CEP350: variants seen among roughly 807,000 people sequenced by gnomAD.
The protein encoded by CEP350 is centrosomal protein 350.
CEP350 carries 126 observed loss-of-function variants against 331.8 expected under a neutral mutation model. The observed-to-expected ratio is 0.38, with a 90% CI of 0.33 to 0.44. The LOEUF (loss-of-function observed/expected upper bound fraction) is 0.44. Among genes scored for constraint, CEP350 ranks in the 20% least tolerant of loss-of-function variants. The probability of loss-of-function intolerance (pLI) is 1.00; values close to 1 mark genes in which losing one functional copy is unlikely to be tolerated. For missense variants in CEP350, 3,406 were observed against 3,634.6 expected (o/e 0.94, Z 1.62); for synonymous variants, 1,200 against 1,259.5 (o/e 0.95, Z 1.00).
chr1:180,033,880 A>G lies in CEP350; in HGVS notation c.3744A>G (p.Gly1248=). 1 of 1,613,830 alleles carries G rather than the reference A, an allele frequency of 6.2e-7. No homozygotes were observed. Among genetic ancestry groups the G allele is most frequent in the Middle Eastern group, 1.7e-4 (1 of 6,060 alleles). ...CTTCTAGTGTCTCATCAGATAAGGG[A>G]AGATCTCAGAAAACTCCAACTTCTC... ...GHSVSVSSDK[G]RSQKTPTSPL... The change falls in exon 16 of 38, where the codon GGA becomes GGG. Residue 1248 remains glycine (G), a synonymous_variant. Coordinates refer to ENST00000367607, the MANE Select transcript of CEP350 (RefSeq NM_014810.5).
rs368104196 is a variant in CEP350 at position 180,095,947 on chromosome 1, G to T, written c.8919+17G>T. The T allele has an allele frequency of 8.2e-6, 13 of 1,585,532 alleles. No individual in the cohort carries two copies. The African/African-American group carries it at 1.6e-4, about 20-fold the overall frequency. On this transcript the variant is annotated intron_variant, in intron 35 of 37. Coordinates refer to ENST00000367607, the MANE Select transcript of CEP350 (RefSeq NM_014810.5). ...TACAAACAGGTAGGTGAAATAAAAG[G>T]ATAATTTTAGTTTTTAAACTTTTCT...
At chr1:179,987,185 G>A in intron 2 of CEP350, 55 bp from the exon 3 acceptor site, 1 of 912,418 alleles carries the variant, frequency 1.1e-6, no homozygotes, top group Non-Finnish European at 1.7e-6. Flanking sequence ...AGATTCTGAG[G>A]TCTAATTCAG....
chr1:180,067,860 A>G (rs552462943), intron 27 of CEP350, among the ~76,000 whole-genome samples: 4 of 152,336 alleles, frequency 2.6e-5, no homozygotes, highest in South Asian at 2.1e-4. Context: ...ATCTCCTTCA[A>G]TGATGTTGGA....
chr1:180,096,374 G>C (rs1660479057), intron 36 of CEP350, among the ~76,000 whole-genome samples, 190 bp downstream of exon 36: 1 of 148,216 alleles, frequency 6.7e-6, no homozygotes, highest in Non-Finnish European at 1.5e-5. Flanking sequence ...ATTGGAATGA[G>C]TGAAAGGGCT....
intron 1 of CEP350, among the ~76,000 whole-genome samples, chr1:179,983,795 G>T (rs1652458418): frequency 6.6e-6 from 1 of 152,074 alleles, no homozygotes; most frequent in Non-Finnish European, 1.5e-5. Context: ...ATATTTGTAA[G>T]GCAAATAACT....
Position 180,021,011 on chromosome 1 carries a change from T to G in CEP350, c.3235+2T>G. 2.0e-6 allele frequency: 3 copies of G among 1,504,228 alleles called. No individual in the cohort carries two copies. Among genetic ancestry groups the G allele is most frequent in the Non-Finnish European group, 2.6e-6 (3 of 1,132,100 alleles). 93.2% of individuals were successfully genotyped at this position (1,504,228 alleles called of 1,614,324 possible). ...AATCCTATCAGTTATATGGAAAAGG[T>G]GAGAAAAATAAATATAGCTTGTACT... On this transcript the variant is annotated splice_donor_variant, in intron 12 of 37. Transcript: ENST00000367607. LOFTEE classifies it high-confidence loss of function.
chr1:179,981,582 C>G (rs1652273314), intron 1 of CEP350, among the ~76,000 whole-genome samples: 1 of 151,976 alleles, frequency 6.6e-6, no homozygotes, highest in Non-Finnish European at 1.5e-5. Context: ...AAGAACAGAC[C>G]AACTTTAACA....
rs760057033 is a variant in CEP350 at position 180,020,340 on chromosome 1, G to A, written c.2566G>A (p.Ala856Thr). The change falls in exon 12 of 38, where the codon GCA becomes ACA. Residue 856 changes from alanine to threonine, a missense_variant. Physicochemically the swap from Ala to Thr is moderately conservative, Grantham distance 58 (BLOSUM62 0). Transcript: ENST00000367607. ...LAGASINYGS[A>T]WNTEYDVQQA... ...TGGGGCCAGCATTAACTATGGGTCA[G>A]CATGGAACACTGAGTATGATGTGCA... 3 of 1,613,732 alleles carry A rather than the reference G, an allele frequency of 1.9e-6. No homozygotes were observed. The East Asian group carries it at 6.7e-5, about 36-fold the overall frequency.
At chr1:179,967,840 C>T (rs531775559) in intron 1 of CEP350, among the ~76,000 whole-genome samples, 4 of 151,980 alleles carry the variant, frequency 2.6e-5, no homozygotes, top group Admixed American at 6.5e-5. Context: ...TATTTTTTTA[C>T]GTGTTACCGT....
chr1:179,974,179 A>G (rs915250194), intron 1 of CEP350, among the ~76,000 whole-genome samples: 2 of 151,806 alleles, frequency 1.3e-5, no homozygotes, highest in African/African-American at 4.8e-5. Context: ...TCTCGGGTTC[A>G]TGCCATTCTC....
At chr1:180,050,982 T>C (rs1328818304) in intron 22 of CEP350, among the ~76,000 whole-genome samples, 3 of 152,208 alleles carry the variant, frequency 2.0e-5, no homozygotes, top group Non-Finnish European at 4.4e-5. Flanking sequence ...CTGTGAAAGA[T>C]AGTGTCTTGT....
intron 11 of CEP350, among the ~76,000 whole-genome samples, chr1:180,019,280 T>A (rs529718574): frequency 5.9e-5 from 9 of 152,354 alleles, no homozygotes; most frequent in African/African-American, 2.2e-4. Flanking sequence ...GTTTAGGACA[T>A]CTTTATTCTG....
intron 3 of CEP350, among the ~76,000 whole-genome samples, chr1:179,989,646 C>T (rs533417620): frequency 7.9e-5 from 12 of 152,154 alleles, no homozygotes; most frequent in African/African-American, 2.2e-4. Flanking sequence ...AAATGCTTTT[C>T]AGTCATTGAG....
intron 14 of CEP350, among the ~76,000 whole-genome samples, chr1:180,030,029 A>G (rs1176193247): frequency 6.6e-6 from 1 of 152,072 alleles, no homozygotes; most frequent in South Asian, 2.1e-4. Context: ...ATTCCCGTGT[A>G]TGTATAAACC....
At position 180,093,451 on chromosome 1, in the gene CEP350, A is replaced by G. The variant is rs74483684; in HGVS notation, c.7346A>G (p.Asn2449Ser). 379 of 1,605,796 alleles carry G rather than the reference A, an allele frequency of 2.4e-4. 3 individuals carry two copies. In the African/African-American group the frequency reaches 4.2e-3, roughly 18 times the overall value. ...LSEKSLSIHS[N>S]VHSDRLLELK... ...GAGAAAAGCCTTTCTATCCATAGCA[A>G]TGTTCATTCTGACAGGCTGTTGGAA... The change falls in exon 34 of 38, where the codon AAT becomes AGT. Residue 2449 changes from asparagine (N) to serine (S), a missense_variant. By Grantham distance (46) the Asn-to-Ser change is conservative (BLOSUM62 1). Around this residue, in one of 5 missense-constraint regions of CEP350, gnomAD observed 1,415 missense variants for 1,512.3 expected, o/e 0.94. Transcript: ENST00000367607.
Position 180,114,568 on chromosome 1 carries a change from C to T in CEP350, c.*3407C>T, listed in dbSNP as rs1048424250. On this transcript the variant is annotated 3_prime_UTR_variant, in exon 38 of 38. Coordinates refer to ENST00000367607, the MANE Select transcript of CEP350 (RefSeq NM_014810.5). The stretch of plus-strand genomic sequence containing the variant: ...GCTTTTCCTTCTGGACTTTGCAAAG[C>T]CTTCTTGGCAAACACATTGCAAAGC... The T allele has an allele frequency of 3.3e-5, 5 of 152,610 alleles. No homozygotes were observed. The highest frequency in any genetic ancestry group is 1.2e-4 in the African/African-American group (5 of 41,436). The allele number at this position is 152,610 out of a possible 1,614,324, so 9.5% of individuals were successfully genotyped here.
chr1:180,052,165 A>C (rs559666093), intron 22 of CEP350: 1 of 452,900 alleles, frequency 2.2e-6, no homozygotes, highest in East Asian at 7.0e-5. Flanking sequence ...GCAGTGATAC[A>C]ACTGTAGTAA....
intron 16 of CEP350, among the ~76,000 whole-genome samples, chr1:180,036,454 T>A (rs1314472277): frequency 1.3e-5 from 2 of 152,202 alleles, no homozygotes; most frequent in Non-Finnish European, 2.9e-5. Context: ...ACTTCATTAT[T>A]GTCTTATTTT....
intron 23 of CEP350, 48 bp from the exon 24 acceptor site, chr1:180,053,702 A>G: frequency 8.6e-7 from 1 of 1,165,320 alleles, no homozygotes; most frequent in Non-Finnish European, 1.2e-6. Context: ...GGAATTAAGT[A>G]CCAAAAGGTT....
Sources: allele counts gnomAD v4.1 joint callset (sites outside exome capture counted in the v4.1 genomes callset), GRCh38; gene constraint gnomAD v4.1.1; regional missense constraint gnomAD v4.1.1; transcripts MANE v1.5; gene names NCBI Gene and HGNC (gene_info 2026-07-23, HGNC 2026-07-21).